The following TLR7 variants were observed in gnomAD, a reference collection of about 807,000 sequenced individuals.
TLR7 encodes toll like receptor 7.
A neutral mutation model predicts 38.3 loss-of-function variants in TLR7; 12 were observed. The ratio of observed to expected loss-of-function variants is 0.31; its 90% CI spans 0.20 to 0.51. The LOEUF is 0.51. Among genes scored for constraint, TLR7 ranks in the 20% least tolerant of loss-of-function variants. The pLI is 0.98. For synonymous variants in TLR7, 285 were observed against 293.8 expected, an observed-to-expected ratio of 0.97 and a Z score of 0.31; for missense variants, 504 against 743.4, an observed-to-expected ratio of 0.68 and a Z score of 3.74.
chrX:12,873,263 G>A (rs144965586), intron 2 of TLR7, among the ~76,000 whole-genome samples: 16 of 111,682 alleles, frequency 1.4e-4, no homozygotes, highest in African/African-American at 4.2e-4. Context: ...CCTATTTATC[G>A]TCACAATCCT....
At chrX:12,871,015 T>C (rs1299811629) in intron 2 of TLR7, among the ~76,000 whole-genome samples, 1 of 112,180 alleles carries the variant, frequency 8.9e-6, no homozygotes, top group East Asian at 2.8e-4. Context: ...TAATAGCTGT[T>C]GAGTTCCTAA....
At chrX:12,878,945 A>ACCC (rs2042882215) in intron 2 of TLR7, among the ~76,000 whole-genome samples, 1 of 112,152 alleles carries the variant, frequency 8.9e-6, no homozygotes, top group Non-Finnish European at 1.9e-5. Context: ...GGGGTAAACT[A>ACCC]CAGTAGAAGT....
At chrX:12,867,801 T>C (rs747435004) in intron 2 of TLR7, among the ~76,000 whole-genome samples, 5 of 112,591 alleles carry the variant, frequency 4.4e-5, no homozygotes, top group Non-Finnish European at 7.5e-5. Context: ...GAATTAAATA[T>C]GTGCTGTGGG....
At chrX:12,884,178 G>A (rs1025216043) in intron 2 of TLR7, among the ~76,000 whole-genome samples, 2 of 111,248 alleles carry the variant, frequency 1.8e-5, no homozygotes, top group Admixed American at 9.5e-5. Flanking sequence ...GGGGTCTCAC[G>A]CTATGTTGCC....
intron 2 of TLR7, among the ~76,000 whole-genome samples, chrX:12,869,688 C>T (rs1004043884): frequency 9.1e-6 from 1 of 109,470 alleles, no homozygotes; most frequent in African/African-American, 3.3e-5. Flanking sequence ...CACCATGGCA[C>T]GTTTAACTAT....
Position 12,886,983 on chromosome X carries a change from A to G in TLR7, c.1475A>G (p.Tyr492Cys). ...ASFMSVNESC[Y>C]KYGQTLDLSK... ...TTCATGTCTGTTAATGAAAGCTGCT[A>G]CAAGTATGGGCAGACCTTGGATCTA... Residue 492 changes from tyrosine to cysteine, a missense_variant, in exon 3 of 3, where the codon TAC becomes TGC. Transcript: ENST00000380659. 8.3e-6 allele frequency: 10 copies of G among 1,211,894 alleles called. No homozygotes were observed. Among genetic ancestry groups the G allele is most frequent in the Non-Finnish European group, 1.1e-5 (10 of 895,368 alleles).
At chrX:12,868,618 T>C (rs982380887) in intron 2 of TLR7, among the ~76,000 whole-genome samples, 17 of 111,609 alleles carry the variant, frequency 1.5e-4, no homozygotes, top group Admixed American at 1.5e-3. Flanking sequence ...GCTCAAATAA[T>C]AGACTATTTT....
chrX:12,882,243 A>T (rs2042895146), intron 2 of TLR7, among the ~76,000 whole-genome samples: 1 of 111,579 alleles, frequency 9.0e-6, no homozygotes, highest in African/African-American at 3.3e-5. Flanking sequence ...TGTAATAGGA[A>T]GACATTATAG....
chrX:12,872,050 T>C (rs919528155), intron 2 of TLR7, among the ~76,000 whole-genome samples: 1 of 110,927 alleles, frequency 9.0e-6, no homozygotes, highest in South Asian at 3.8e-4. Flanking sequence ...GAATTCCTTA[T>C]TGCAATCACA....
intron 2 of TLR7, among the ~76,000 whole-genome samples, chrX:12,873,026 C>G (rs889731649): frequency 9.0e-6 from 1 of 111,272 alleles, no homozygotes; most frequent in Admixed American, 9.6e-5. Context: ...GACACTCCCT[C>G]TCTGACTTCA....
Position 12,888,189 on chromosome X carries a change from T to G in TLR7, c.2681T>G (p.Phe894Cys), listed in dbSNP as rs779050861. The change falls in exon 3 of 3, where the codon TTT becomes TGT. Residue 894 changes from phenylalanine to cysteine, a missense_variant. Coordinates refer to ENST00000380659, the MANE Select transcript of TLR7 (RefSeq NM_016562.4). ...TCACCAGACTGTTGCTATGATGCTT[T>G]TATTGTGTATGACACTAAAGACCCA... ...LISPDCCYDAFIVYDTKDPAV... is the reference protein window; with the variant it reads ...LISPDCCYDACIVYDTKDPAV... The G allele has an allele frequency of 8.3e-7, 1 of 1,211,731 alleles. No homozygotes were observed. Among genetic ancestry groups the G allele is most frequent in the Non-Finnish European group, 1.1e-6 (1 of 895,488 alleles).
In TLR7 at chrX:12,871,940, A is replaced by G. The variant is rs762090749; in HGVS notation, c.3+4359A>G. On this transcript the variant is annotated intron_variant, in intron 2 of 2. Coordinates refer to ENST00000380659, the MANE Select transcript of TLR7 (RefSeq NM_016562.4). ...TGAAAATAATCCATTGTAGCCAGAT[A>G]ATAGCTATGCAAAGAATATATAATA... 2.7e-5 allele frequency among the ~76,000 whole-genome samples: 3 copies of G among 112,380 alleles called. No individual in the cohort carries two copies. The South Asian group carries it at 1.1e-3, about 41-fold the overall frequency.
At chrX:12,867,232 A>AT in intron 1 of TLR7, 109 bp downstream of exon 1, 4 of 169,090 alleles carry the variant, frequency 2.4e-5, no homozygotes, top group Non-Finnish European at 4.4e-5. Flanking sequence ...ATGCACAAAA[A>AT]TTTTTTTTAG....
intron 2 of TLR7, among the ~76,000 whole-genome samples, chrX:12,882,031 A>T (rs2042894298): frequency 9.0e-6 from 1 of 111,193 alleles, no homozygotes; most frequent in Non-Finnish European, 1.9e-5. Context: ...GAAGAGGAGG[A>T]GAAAGATGAT....
intron 2 of TLR7, among the ~76,000 whole-genome samples, chrX:12,875,672 G>A (rs955014130): frequency 6.3e-5 from 7 of 111,430 alleles, no homozygotes; most frequent in African/African-American, 2.3e-4. Context: ...TTCATAAACG[G>A]CAGTTCCCCT....
Position 12,885,503 on chromosome X carries a change from T to C in TLR7, c.4-9T>C. Reference sequence around the variant, plus strand: ...TAGAACAATGATTTGTTCTTTCTTATACTTTCAGGTGTTTCCAATGTGGAC... The same window carrying C: ...TAGAACAATGATTTGTTCTTTCTTACACTTTCAGGTGTTTCCAATGTGGAC... On this transcript the variant is annotated splice_polypyrimidine_tract_variant and intron_variant, in intron 2 of 2. Coordinates refer to ENST00000380659, the MANE Select transcript of TLR7 (RefSeq NM_016562.4). 1.7e-6 allele frequency: 2 copies of C among 1,171,125 alleles called. No individual in the cohort carries two copies. The highest frequency in any genetic ancestry group is 2.3e-6 in the Non-Finnish European group (2 of 870,381).
chrX:12,874,453 C>A (rs1009451082), intron 2 of TLR7, among the ~76,000 whole-genome samples: 1 of 112,043 alleles, frequency 8.9e-6, no homozygotes, highest in African/African-American at 3.2e-5. Flanking sequence ...TGAAGCTTTG[C>A]ATGGACCATT....
chrX:12,867,999 A>C (rs984116665), intron 2 of TLR7, among the ~76,000 whole-genome samples: 1 of 112,656 alleles, frequency 8.9e-6, no homozygotes, highest in Non-Finnish European at 1.9e-5. Context: ...TAGCAATAAA[A>C]TACGGGAAAT....
At position 12,886,321 on chromosome X, in the gene TLR7, G is replaced by T. The variant is rs201564398; in HGVS notation, c.813G>T (p.Ala271=). The T allele has an allele frequency of 2.5e-6, 3 of 1,211,459 alleles. No homozygotes were observed. The South Asian group carries it at 5.3e-5, about 21-fold the overall frequency. ...PRCYNAPFPC[A]PCKNNSPLQI... ...GTTATAATGCCCCATTTCCTTGTGCGCCGTGTAAAAATAATTCTCCCCTAC... is the reference window on the plus strand; with the variant it reads ...GTTATAATGCCCCATTTCCTTGTGCTCCGTGTAAAAATAATTCTCCCCTAC... The change falls in exon 3 of 3, where the codon GCG becomes GCT. Residue 271 remains alanine, a synonymous_variant. Transcript: ENST00000380659.
Sources: gnomAD v4.1 joint callset for allele counts (sites outside exome capture counted in the v4.1 genomes callset) on GRCh38, gnomAD v4.1.1 for gene constraint, MANE v1.5 for transcripts, NCBI Gene and HGNC (gene_info 2026-07-23, HGNC 2026-07-21) for gene names.